Variants in HS3ST5 observed in about 807,000 individuals in gnomAD.
The protein encoded by HS3ST5 is heparan sulfate glucosamine 3-O-sulfotransferase 5.
A neutral mutation model predicts 25.4 loss-of-function variants in HS3ST5; 10 were observed. That is an observed-to-expected ratio of 0.39 (90% CI 0.24 to 0.67). The LOEUF is 0.67. Among genes scored for constraint, HS3ST5 ranks in the 30% least tolerant of loss-of-function variants. The pLI is 0.44. For synonymous variants in HS3ST5, 170 were observed against 162.4 expected (o/e 1.05, Z -0.36); for missense variants, 324 against 420.7 (o/e 0.77, Z 2.01).
chr6:114,229,985 A>G (rs983098799), intron 1 of HS3ST5, among the ~76,000 whole-genome samples: 7 of 152,178 alleles, frequency 4.6e-5, no homozygotes, highest in African/African-American at 1.7e-4. Context: ...CTGGTTGACA[A>G]AATGTACAAA....
At chr6:114,161,523 A>T (rs1486084695) in intron 3 of HS3ST5, among the ~76,000 whole-genome samples, 56 of 13,890 alleles carry the variant, frequency 4.0e-3, no homozygotes, top group African/African-American at 5.8e-3. Context: ...CTGAAGTTTT[A>T]TATATATATA....
chr6:114,293,020 C>A (rs759585506), intron 1 of HS3ST5, among the ~76,000 whole-genome samples: 5 of 151,734 alleles, frequency 3.3e-5, no homozygotes, highest in Non-Finnish European at 5.9e-5. Flanking sequence ...GCTGACTGTA[C>A]ATTAATGATC....
chr6:114,255,697 C>T (rs2114644125), intron 1 of HS3ST5, among the ~76,000 whole-genome samples: 1 of 152,320 alleles, frequency 6.6e-6, no homozygotes, highest in East Asian at 1.9e-4. Context: ...AGGCCCAACA[C>T]CATGTGGAAG....
intron 3 of HS3ST5, among the ~76,000 whole-genome samples, chr6:114,137,334 C>T (rs1051533293): frequency 2.6e-5 from 4 of 152,114 alleles, no homozygotes; most frequent in African/African-American, 9.7e-5. Context: ...ATGAGAAAGC[C>T]ACTTAATTTT....
intron 3 of HS3ST5, among the ~76,000 whole-genome samples, chr6:114,122,058 A>C (rs1776815009): frequency 6.6e-6 from 1 of 152,168 alleles, no homozygotes; most frequent in African/African-American, 2.4e-5. Flanking sequence ...GACCCAGTCC[A>C]GACATCACCC....
At chr6:114,075,455 C>T (rs1296405605) in intron 3 of HS3ST5, among the ~76,000 whole-genome samples, 4 of 152,222 alleles carry the variant, frequency 2.6e-5, no homozygotes, top group Non-Finnish European at 4.4e-5. Flanking sequence ...AAAGTGAAGT[C>T]TTCACTGGGT....
rs533718746 is a variant in HS3ST5 at position 114,285,921 on chromosome 6, A to T, written c.-339+56274T>A. Among the ~76,000 whole-genome samples the T allele has an allele frequency of 6.6e-5, 10 of 152,190 alleles. No homozygotes were observed. In the South Asian group the frequency reaches 2.1e-3, roughly 31 times the overall value. On this transcript the variant is annotated intron_variant, in intron 1 of 4. Transcript: ENST00000312719. Reference sequence around the variant, plus strand: ...TCAATTGCTAATGACTTGGAAAGACATCACTAAATGAACAAAATAGGTTCC... The same window carrying T: ...TCAATTGCTAATGACTTGGAAAGACTTCACTAAATGAACAAAATAGGTTCC...
At chr6:114,177,157 G>GT (rs1413592860) in intron 2 of HS3ST5, among the ~76,000 whole-genome samples, 3 of 152,200 alleles carry the variant, frequency 2.0e-5, no homozygotes, top group Non-Finnish European at 4.4e-5. Flanking sequence ...AAGAAGGCAA[G>GT]TATGTATCAA....
At chr6:114,330,836 T>A (rs1285612649) in intron 1 of HS3ST5, among the ~76,000 whole-genome samples, 2 of 152,126 alleles carry the variant, frequency 1.3e-5, no homozygotes, top group Admixed American at 6.5e-5. Context: ...CAGCCTTGTG[T>A]TGGGTAAAAA....
At chr6:114,326,338 G>A (rs113945333) in intron 1 of HS3ST5, among the ~76,000 whole-genome samples, 74 of 152,140 alleles carry the variant, frequency 4.9e-4, no homozygotes, top group African/African-American at 1.6e-3. Flanking sequence ...TGCAGTGAAC[G>A]GAGATCACGC....
chr6:114,137,871 T>G (rs1167052385), intron 3 of HS3ST5, among the ~76,000 whole-genome samples: 1 of 152,204 alleles, frequency 6.6e-6, no homozygotes, highest in African/African-American at 2.4e-5. Context: ...TGGCACTGAT[T>G]GTTAGGTCTT....
chr6:114,085,580 C>T (rs1774750298), intron 3 of HS3ST5, among the ~76,000 whole-genome samples: 1 of 152,188 alleles, frequency 6.6e-6, no homozygotes, highest in Non-Finnish European at 1.5e-5. Context: ...CTGACCAAGA[C>T]CTAGGCTGTA....
At chr6:114,248,217 A>AT (rs1554221874) in intron 1 of HS3ST5, among the ~76,000 whole-genome samples, 43 of 143,154 alleles carry the variant, frequency 3.0e-4, no homozygotes, top group East Asian at 1.4e-3. Flanking sequence ...TGAAAAAAAA[A>AT]ATATATATAT....
intron 3 of HS3ST5, among the ~76,000 whole-genome samples, chr6:114,134,758 G>A (rs1777511683): frequency 6.6e-6 from 1 of 152,154 alleles, no homozygotes; most frequent in Non-Finnish European, 1.5e-5. Flanking sequence ...CAGGGCTGAG[G>A]GGAGATGCCT....
chr6:114,102,011 G>A (rs778284028), intron 3 of HS3ST5, among the ~76,000 whole-genome samples: 4 of 152,122 alleles, frequency 2.6e-5, no homozygotes, highest in Non-Finnish European at 5.9e-5. Context: ...AGTGCACTTG[G>A]ACACAAAGAT....
rs547063945 is a variant in HS3ST5 at position 114,106,903 on chromosome 6, C to T, written c.-32-44026G>A. Among the ~76,000 whole-genome samples, 19 of 152,174 alleles carry T rather than the reference C, an allele frequency of 1.2e-4. No homozygotes were observed. In the Middle Eastern group the frequency reaches 0.01, roughly 82 times the overall value. On this transcript the variant is annotated intron_variant, in intron 3 of 4. Coordinates refer to ENST00000312719, the MANE Select transcript of HS3ST5 (RefSeq NM_153612.4). Reference sequence around the variant, plus strand: ...GATTGTTATGTATTTTATCACATCTCAGACTTTGTTTCTGATGCTAAAATT... The same window carrying T: ...GATTGTTATGTATTTTATCACATCTTAGACTTTGTTTCTGATGCTAAAATT...
At chr6:114,201,951 TG>T (rs1781034523) in intron 2 of HS3ST5, among the ~76,000 whole-genome samples, 1 of 151,904 alleles carries the variant, frequency 6.6e-6, no homozygotes, top group Non-Finnish European at 1.5e-5. Flanking sequence ...AATAGCAGCA[TG>T]GGGGCAGCTG....
intron 1 of HS3ST5, among the ~76,000 whole-genome samples, chr6:114,334,833 A>G (rs771770869): frequency 2.0e-5 from 3 of 152,238 alleles, no homozygotes; most frequent in Non-Finnish European, 4.4e-5. Flanking sequence ...ATTTTGGCAG[A>G]CTTATTTAAG....
intron 3 of HS3ST5, among the ~76,000 whole-genome samples, chr6:114,096,385 A>C (rs969720688): frequency 6.6e-6 from 1 of 152,204 alleles, no homozygotes; most frequent in Non-Finnish European, 1.5e-5. Flanking sequence ...CATTAAAATA[A>C]CATCTATTTG....
Sources: gnomAD v4.1 joint callset for allele counts (sites outside exome capture counted in the v4.1 genomes callset) on GRCh38, gnomAD v4.1.1 for gene constraint, MANE v1.5 for transcripts, NCBI Gene and HGNC (gene_info 2026-07-23, HGNC 2026-07-21) for gene names.